The following GALNT13 variants were observed in gnomAD, a reference collection of about 807,000 sequenced individuals.
GALNT13 encodes polypeptide N-acetylgalactosaminyltransferase 13, also known as UDP-GalNAc:polypeptide N-acetylgalactosaminyltransferase 13.
A neutral mutation model predicts 64.2 loss-of-function variants in GALNT13; 28 were observed. That is an observed-to-expected ratio of 0.44 (90% CI 0.32 to 0.60). The LOEUF (loss-of-function observed/expected upper bound fraction) is 0.60, where lower values mean the gene tolerates loss of function less well. GALNT13 is among the 20% of genes least tolerant of loss of function. The pLI, the probability that GALNT13 is intolerant of heterozygous loss-of-function variation, is 0.05. For missense variants in GALNT13, 577 were observed against 669.8 expected (o/e 0.86, Z 1.53); for synonymous variants, 214 against 224.6 (o/e 0.95, Z 0.42).
chr2:154,072,549 G>T (rs1700787927), intron 3 of GALNT13, among the ~76,000 whole-genome samples: 1 of 151,842 alleles, frequency 6.6e-6, no homozygotes, highest in Non-Finnish European at 1.5e-5. Flanking sequence ...ACTATTACTG[G>T]TTTTCCAGAC....
At chr2:153,255,902 T>A in the GALNT13 span, among the ~76,000 whole-genome samples, 2 of 152,200 alleles carry the variant, frequency 1.3e-5, no homozygotes, top group East Asian at 3.8e-4. Context: ...CCTTAACATT[T>A]TTTCCTTCAT....
rs1054472355 is a variant in GALNT13 at position 154,069,740 on chromosome 2, G to A, written c.143-70597G>A. Among the ~76,000 whole-genome samples, 6 of 152,018 alleles carry A rather than the reference G, an allele frequency of 3.9e-5. No individual in the cohort carries two copies. In the South Asian group the frequency reaches 1.2e-3, roughly 32 times the overall value. ...ACATCAAGAGGTGGGATAAACTAGA[G>A]TATAGAATAGACCAACACCTATACA... On this transcript the variant is annotated intron_variant, in intron 3 of 12. Transcript: ENST00000392825.
At chr2:153,562,193 T>C in the GALNT13 span, among the ~76,000 whole-genome samples, 73,156 of 151,402 alleles carry the variant, frequency 0.48, 18,229 homozygotes, top group African/African-American at 0.6. Context: ...GGTATTATGC[T>C]CATTTACTAA....
At chr2:153,907,383 C>T (rs1231792576) in intron 2 of GALNT13, among the ~76,000 whole-genome samples, 6 of 151,602 alleles carry the variant, frequency 4.0e-5, no homozygotes, top group Non-Finnish European at 7.4e-5. Flanking sequence ...CATAATAATA[C>T]ATACATATTA....
At chr2:154,180,659 C>T (rs969253027) in intron 4 of GALNT13, among the ~76,000 whole-genome samples, 6 of 152,066 alleles carry the variant, frequency 3.9e-5, no homozygotes, top group Admixed American at 6.6e-5. Context: ...TCATAATTCT[C>T]ACCTTCTTTT....
At chr2:154,032,493 A>G (rs1698400695) in intron 3 of GALNT13, among the ~76,000 whole-genome samples, 1 of 152,058 alleles carries the variant, frequency 6.6e-6, no homozygotes, top group African/African-American at 2.4e-5. Flanking sequence ...CCTCTCATGA[A>G]TATAGATACA....
intron 3 of GALNT13, among the ~76,000 whole-genome samples, chr2:154,003,424 C>A (rs1291920116): frequency 6.6e-6 from 1 of 152,132 alleles, no homozygotes; most frequent in Non-Finnish European, 1.5e-5. Flanking sequence ...ATTTTTGTGG[C>A]TCAGGGTATT....
Position 153,944,465 on chromosome 2 carries a change from A to C in GALNT13, c.-33A>C, listed in dbSNP as rs1691566174. ...ATTTATCACAGTAGCATTTGTCTTC[A>C]ATCTGTGTGTTAACTAGAAATCAAG... On this transcript the variant is annotated 5_prime_UTR_variant, in exon 3 of 13. Transcript: ENST00000392825. 3 of 1,603,334 alleles carry C rather than the reference A, an allele frequency of 1.9e-6. No individual in the cohort carries two copies. The highest frequency in any genetic ancestry group is 2.6e-6 in the Non-Finnish European group (3 of 1,173,566).
At chr2:153,250,260 G>A in the GALNT13 span, among the ~76,000 whole-genome samples, 2 of 152,218 alleles carry the variant, frequency 1.3e-5, no homozygotes, top group Admixed American at 6.5e-5. Flanking sequence ...AGACATTTAT[G>A]TGGGCAACAA....
At chr2:153,309,574 A>G in the GALNT13 span, among the ~76,000 whole-genome samples, 1 of 151,894 alleles carries the variant, frequency 6.6e-6, no homozygotes, top group East Asian at 1.9e-4. Context: ...TGATTTCCAA[A>G]ATTTCTTTTC....
chr2:153,271,424 T>G, the GALNT13 span, among the ~76,000 whole-genome samples: 1 of 152,314 alleles, frequency 6.6e-6, no homozygotes, highest in East Asian at 1.9e-4. Context: ...CAGCAAAGTT[T>G]CAGGATACAA....
the GALNT13 span, among the ~76,000 whole-genome samples, chr2:153,670,356 G>A: frequency 6.6e-6 from 1 of 152,162 alleles, no homozygotes; most frequent in Admixed American, 6.5e-5. Context: ...GGAAGGGTCA[G>A]ACAGCAATAT....
the GALNT13 span, among the ~76,000 whole-genome samples, chr2:153,793,309 A>C: frequency 6.6e-6 from 1 of 152,140 alleles, no homozygotes; most frequent in Non-Finnish European, 1.5e-5. Context: ...GGCTTTAAAA[A>C]AAATACAGGT....
At chr2:154,117,201 G>A (rs755216040) in intron 3 of GALNT13, among the ~76,000 whole-genome samples, 4 of 151,270 alleles carry the variant, frequency 2.6e-5, no homozygotes, top group Non-Finnish European at 4.4e-5. Context: ...TGACTCAAAT[G>A]TTAATCTCCT....
the GALNT13 span, among the ~76,000 whole-genome samples, chr2:153,852,936 A>G: frequency 6.6e-6 from 1 of 152,218 alleles, no homozygotes; most frequent in East Asian, 1.9e-4. Context: ...TCACCAGGTA[A>G]AGTCCCACAA....
At chr2:153,951,901 T>A (rs1024180153) in intron 3 of GALNT13, among the ~76,000 whole-genome samples, 8 of 152,124 alleles carry the variant, frequency 5.3e-5, no homozygotes, top group African/African-American at 1.7e-4. Context: ...TATTGAATGA[T>A]GTTGTAAAAA....
chr2:153,190,070 TTGCTGTTGCAGAAGTTGTTTAG>T, the GALNT13 span, among the ~76,000 whole-genome samples: 1 of 152,164 alleles, frequency 6.6e-6, no homozygotes, highest in Admixed American at 6.5e-5. Context: ...ATTATTTCTT[TTGCTGTTGCAGAAGTTGTTTAG>T]TTTAATAACG....
chr2:153,986,842 G>A (rs1443217456), intron 3 of GALNT13, among the ~76,000 whole-genome samples: 1 of 151,758 alleles, frequency 6.6e-6, no homozygotes, highest in African/African-American at 2.4e-5. Flanking sequence ...TCTATGTCCT[G>A]GTAAAACTTG....
chr2:154,124,533 A>C (rs1444278321), intron 3 of GALNT13, among the ~76,000 whole-genome samples: 3 of 151,952 alleles, frequency 2.0e-5, no homozygotes, highest in East Asian at 3.9e-4. Context: ...AGATATTTTG[A>C]TTTTTTGATG....
Sources: allele counts gnomAD v4.1 joint callset (sites outside exome capture counted in the v4.1 genomes callset), GRCh38; gene constraint gnomAD v4.1.1; transcripts MANE v1.5; gene names NCBI Gene and HGNC (gene_info 2026-07-23, HGNC 2026-07-21).